ADCY8: variants seen among roughly 807,000 people sequenced by gnomAD.
ADCY8 encodes adenylate cyclase 8, also known as adenylate cyclase type 8.
A neutral mutation model predicts 119.7 loss-of-function variants in ADCY8; 51 were observed. The observed-to-expected ratio is 0.43, with a 90% CI of 0.34 to 0.54. ADCY8 has a LOEUF of 0.54. Among genes scored for constraint, ADCY8 ranks in the 20% least tolerant of loss-of-function variants. The pLI is 0.03. For missense variants in ADCY8, 1,383 were observed against 1,598.8 expected (o/e 0.87, Z 2.30); for synonymous variants, 665 against 651.0 (o/e 1.02, Z -0.33).
At chr8:130,839,989 A>C (rs892322275) in intron 11 of ADCY8, among the ~76,000 whole-genome samples, 5 of 140,302 alleles carry the variant, frequency 3.6e-5, no homozygotes, top group African/African-American at 9.8e-5. Flanking sequence ...ATCTTGGCAA[A>C]TATACCCAAT....
chr8:130,909,697 C>T lies in ADCY8; in HGVS notation c.1640+11G>A. On this transcript the variant is annotated intron_variant, in intron 6 of 17. Transcript: ENST00000286355. Reference sequence around the variant, plus strand: ...ACCGTTAAGCATGAAAAGGGCTTTGCTTTATCTTACCCAGGGATTCCTCCA... The same window carrying T: ...ACCGTTAAGCATGAAAAGGGCTTTGTTTTATCTTACCCAGGGATTCCTCCA... 1.2e-6 allele frequency: 2 copies of T among 1,614,054 alleles called. No individual in the cohort carries two copies. The highest frequency in any genetic ancestry group is 1.7e-6 in the Non-Finnish European group (2 of 1,179,960).
At chr8:130,877,461 C>T (rs745653479) in intron 8 of ADCY8, among the ~76,000 whole-genome samples, 1 of 152,182 alleles carries the variant, frequency 6.6e-6, no homozygotes, top group Non-Finnish European at 1.5e-5. Flanking sequence ...ATGCTCTGAG[C>T]TCTGCTGGAG....
chr8:130,790,471 C>T (rs918148395), intron 15 of ADCY8, among the ~76,000 whole-genome samples: 2 of 152,154 alleles, frequency 1.3e-5, no homozygotes, highest in Admixed American at 6.5e-5. Flanking sequence ...AAGTTCGCTC[C>T]GTGCCTAATG....
At position 130,780,523 on chromosome 8, in the gene ADCY8, T is replaced by C; in HGVS notation, c.3623A>G (p.Gln1208Arg). 1 of 1,614,184 alleles carries C rather than the reference T, an allele frequency of 6.2e-7. No individual in the cohort carries two copies. Among genetic ancestry groups the C allele is most frequent in the Non-Finnish European group, 8.5e-7 (1 of 1,180,020 alleles). Reference sequence around the variant, plus strand: ...GTTGTTCTCATTGAGTAGCTGCTTCTGCCTTTGCCTATTGAGGGACTGGAC... The same window carrying C: ...GTTGTTCTCATTGAGTAGCTGCTTCCGCCTTTGCCTATTGAGGGACTGGAC... Reference protein sequence around the residue: ...GLVQSLNRQRQKQLLNENNNT... With the variant: ...GLVQSLNRQRRKQLLNENNNT... The change falls in exon 18 of 18, where the codon CAG becomes CGG. Residue 1208 changes from glutamine to arginine, a missense_variant. Gln to Arg is a conservative substitution (Grantham distance 43). Transcript: ENST00000286355.
At chr8:130,940,886 G>T (rs1820935031) in intron 4 of ADCY8, among the ~76,000 whole-genome samples, 1 of 152,140 alleles carries the variant, frequency 6.6e-6, no homozygotes, top group Non-Finnish European at 1.5e-5. Context: ...CAAAAATTAG[G>T]AGATGAATGC....
intron 1 of ADCY8, among the ~76,000 whole-genome samples, chr8:131,036,209 A>T (rs1824147525): frequency 6.6e-6 from 1 of 152,190 alleles, no homozygotes; most frequent in South Asian, 2.1e-4. Flanking sequence ...TGAAATGAAA[A>T]TGAAGGATGA....
At chr8:130,843,359 C>A (rs918808281) in intron 11 of ADCY8, among the ~76,000 whole-genome samples, 3 of 152,064 alleles carry the variant, frequency 2.0e-5, no homozygotes, top group Non-Finnish European at 2.9e-5. Context: ...CTGATTGAAC[C>A]CTTTTCAGAT....
At chr8:130,940,860 A>G (rs1356056177) in intron 4 of ADCY8, among the ~76,000 whole-genome samples, 1 of 152,224 alleles carries the variant, frequency 6.6e-6, no homozygotes, top group Non-Finnish European at 1.5e-5. Flanking sequence ...ATGAAACTGC[A>G]CATACAGACA....
chr8:130,889,534 C>T (rs1349376731), intron 7 of ADCY8, among the ~76,000 whole-genome samples: 2 of 152,094 alleles, frequency 1.3e-5, no homozygotes, highest in East Asian at 3.9e-4. Context: ...AAAGTTCTTC[C>T]CTGCTTTTAT....
Position 131,040,259 on chromosome 8 carries a change from G to T in ADCY8, c.75C>A (p.Gly25=), listed in dbSNP as rs1158752662. ...GCGGCCGGGAGGCGCTCCTGCCGTC[G>T]CCGGCCGGGGGCGTCGGGTGGATGG... ...LYTIHPTPPA[G]DGRSASRPQR... The change falls in exon 1 of 18, where the codon GGC becomes GGA. Residue 25 remains glycine, a synonymous_variant. Coordinates refer to ENST00000286355, the MANE Select transcript of ADCY8 (RefSeq NM_001115.3). 3.2e-6 allele frequency: 5 copies of T among 1,554,716 alleles called. No homozygotes were observed. The highest frequency in any genetic ancestry group is 2.4e-5 in the East Asian group (1 of 41,882).
intron 2 of ADCY8, among the ~76,000 whole-genome samples, chr8:130,984,534 A>G (rs1465999795): frequency 2.0e-5 from 3 of 151,676 alleles, no homozygotes; most frequent in Non-Finnish European, 4.4e-5. Flanking sequence ...AAAGGGAAAT[A>G]GATTTATTTT....
chr8:130,858,752 T>A (rs904168034), intron 9 of ADCY8, among the ~76,000 whole-genome samples: 1 of 152,214 alleles, frequency 6.6e-6, no homozygotes, highest in African/African-American at 2.4e-5. Context: ...TTTATATTAG[T>A]ATGAACTTGT....
At chr8:130,998,260 C>A (rs137923536) in intron 1 of ADCY8, among the ~76,000 whole-genome samples, 15 of 152,060 alleles carry the variant, frequency 9.9e-5, no homozygotes, top group Non-Finnish European at 2.9e-5. Context: ...AATAAGACTG[C>A]TAATTTAAAG....
chr8:130,954,396 A>G (rs1272389042), intron 2 of ADCY8, among the ~76,000 whole-genome samples: 1 of 152,176 alleles, frequency 6.6e-6, no homozygotes, highest in African/African-American at 2.4e-5. Flanking sequence ...AAGTCCATGG[A>G]CATATTTATA....
chr8:130,960,844 G>T (rs140314086), intron 2 of ADCY8, among the ~76,000 whole-genome samples: 4 of 152,252 alleles, frequency 2.6e-5, no homozygotes, highest in African/African-American at 7.2e-5. Context: ...TATGTCCAGT[G>T]TCTTCTTGGA....
intron 14 of ADCY8, among the ~76,000 whole-genome samples, chr8:130,801,291 T>G (rs140054181): frequency 6.6e-6 from 1 of 152,250 alleles, no homozygotes; most frequent in Non-Finnish European, 1.5e-5. Context: ...ATCTTACCTT[T>G]CTACTTCATT....
At chr8:130,946,361 T>C (rs190362623) in intron 3 of ADCY8, among the ~76,000 whole-genome samples, 13 of 152,330 alleles carry the variant, frequency 8.5e-5, no homozygotes, top group African/African-American at 1.9e-4. Flanking sequence ...TCTCCAGGTC[T>C]TTCGATCCCA....
At position 130,909,899 on chromosome 8, in the gene ADCY8, A is replaced by C. The variant is rs1269557187; in HGVS notation, c.1482-33T>G. 3 of 1,605,528 alleles carry C rather than the reference A, an allele frequency of 1.9e-6. No individual in the cohort carries two copies. The South Asian group carries it at 3.3e-5, about 18-fold the overall frequency. ...CATAGGTAAATGGAGAGACACATGT[A>C]TAAGACCAGAGTGGGCATCGTTGGC... On this transcript the variant is annotated intron_variant, in intron 5 of 17. Coordinates refer to ENST00000286355, the MANE Select transcript of ADCY8 (RefSeq NM_001115.3).
intron 13 of ADCY8, 63 bp downstream of exon 13, chr8:130,821,279 G>C: frequency 7.1e-7 from 1 of 1,404,318 alleles, no homozygotes; most frequent in South Asian, 1.2e-5. Context: ...AGCAGCAGAG[G>C]CCAGTTTGAT....
Sources: allele counts gnomAD v4.1 joint callset (sites outside exome capture counted in the v4.1 genomes callset), GRCh38; gene constraint gnomAD v4.1.1; transcripts MANE v1.5; gene names NCBI Gene and HGNC (gene_info 2026-07-23, HGNC 2026-07-21).